Variants in G2E3 observed in about 807,000 individuals in gnomAD.
G2E3 encodes the protein G2/M phase-specific E3 ubiquitin-protein ligase.
Under a neutral mutation model 92.8 loss-of-function variants are expected in G2E3, and 35 were observed. That is an observed-to-expected ratio of 0.38 (90% CI 0.29 to 0.50). G2E3 has a LOEUF of 0.50. G2E3 is among the 20% of genes least tolerant of loss of function. The probability of loss-of-function intolerance (pLI) is 0.94; values close to 1 mark genes in which losing one functional copy is unlikely to be tolerated. For missense variants in G2E3, 554 were observed against 823.8 expected (o/e 0.67, Z 4.01); for synonymous variants, 242 against 272.4 (o/e 0.89, Z 1.10).
intron 6 of G2E3, among the ~76,000 whole-genome samples, chr14:30,594,247 C>T (rs892392266): frequency 1.3e-5 from 2 of 152,064 alleles, no homozygotes; most frequent in African/African-American, 2.4e-5. Context: ...GAAAAAGATT[C>T]CAGTTATTAG....
At chr14:30,601,536 A>T (rs1402154724) in intron 8 of G2E3, among the ~76,000 whole-genome samples, 1 of 152,198 alleles carries the variant, frequency 6.6e-6, no homozygotes, top group Non-Finnish European at 1.5e-5. Flanking sequence ...ATGTGCATAT[A>T]CATACAAAAT....
At chr14:30,572,547 T>C (rs2138788919) in intron 1 of G2E3, among the ~76,000 whole-genome samples, 1 of 152,298 alleles carries the variant, frequency 6.6e-6, no homozygotes, top group African/African-American at 2.4e-5. Context: ...TTCTGGTTTG[T>C]CCTACAGTTT....
At chr14:30,606,845 G>A (rs1457752352) in intron 11 of G2E3, among the ~76,000 whole-genome samples, 1 of 152,096 alleles carries the variant, frequency 6.6e-6, no homozygotes, top group Non-Finnish European at 1.5e-5. Flanking sequence ...CATTTGAAAT[G>A]ACAATTTTAA....
At chr14:30,568,198 A>T (rs1192929264) in intron 1 of G2E3, among the ~76,000 whole-genome samples, 1 of 152,034 alleles carries the variant, frequency 6.6e-6, no homozygotes, top group Admixed American at 6.5e-5. Context: ...TTCAACTTAA[A>T]GCCTGTTTTG....
At chr14:30,607,779 AT>A in intron 11 of G2E3, 108 bp from the exon 12 acceptor site, 1 of 549,026 alleles carries the variant, frequency 1.8e-6, no homozygotes, top group Non-Finnish European at 3.1e-6. Flanking sequence ...GCTTCTAAGA[AT>A]TATATTTATC....
chr14:30,574,276 A>T (rs566283083), intron 1 of G2E3, among the ~76,000 whole-genome samples: 5 of 152,326 alleles, frequency 3.3e-5, no homozygotes, highest in African/African-American at 1.2e-4. Flanking sequence ...GAAACTTAGC[A>T]TAAATACAAT....
chr14:30,591,262 T>C (rs1283922229), intron 4 of G2E3, among the ~76,000 whole-genome samples: 1 of 152,168 alleles, frequency 6.6e-6, no homozygotes, highest in Non-Finnish European at 1.5e-5. Flanking sequence ...GCAGTAACTC[T>C]GTAATCCCTG....
intron 13 of G2E3, among the ~76,000 whole-genome samples, chr14:30,614,079 G>C (rs912709997): frequency 6.6e-6 from 1 of 151,924 alleles, no homozygotes. Context: ...TAGTTCCAAA[G>C]TCAAATGTAT....
At chr14:30,564,372 C>T (rs182243880) in intron 1 of G2E3, among the ~76,000 whole-genome samples, 3 of 152,270 alleles carry the variant, frequency 2.0e-5, no homozygotes, top group Admixed American at 6.5e-5. Context: ...ATCTCTGTCA[C>T]CCAAAGCTGG....
intron 1 of G2E3, chr14:30,560,237 T>C (rs1443258788): frequency 6.6e-6 from 1 of 152,488 alleles, no homozygotes; most frequent in African/African-American, 2.4e-5. Flanking sequence ...AAATGGGAAC[T>C]TTAAATGTGT....
chr14:30,601,378 T>C (rs1295503781), intron 8 of G2E3, among the ~76,000 whole-genome samples: 1 of 152,182 alleles, frequency 6.6e-6, no homozygotes, highest in East Asian at 1.9e-4. Flanking sequence ...TTAGGAAATA[T>C]TCCTCACCTT....
rs527497230 is a variant in G2E3 at position 30,573,828 on chromosome 14, A to G, written c.-4-7248A>G. ...TGAGTAAAGTTTACCAATCTTTTCC[A>G]GAAACACTCTCACAGACACATCCAA... On this transcript the variant is annotated intron_variant, in intron 1 of 14. Coordinates refer to ENST00000206595, the MANE Select transcript of G2E3 (RefSeq NM_017769.5). Among the ~76,000 whole-genome samples, 5 of 152,306 alleles carry G rather than the reference A, an allele frequency of 3.3e-5. No homozygotes were observed. The South Asian group carries it at 1.0e-3, about 32-fold the overall frequency.
At chr14:30,565,424 A>G (rs1172345536) in intron 1 of G2E3, among the ~76,000 whole-genome samples, 2 of 152,058 alleles carry the variant, frequency 1.3e-5, no homozygotes, top group Admixed American at 1.3e-4. Context: ...GTAGATTGTC[A>G]TTAGATGCAC....
At chr14:30,586,644 G>A in intron 2 of G2E3, 74 bp from the exon 3 acceptor site, 1 of 527,184 alleles carries the variant, frequency 1.9e-6, no homozygotes, top group Non-Finnish European at 3.3e-6. Context: ...GAAATTTAGA[G>A]AAGCACCAAT....
chr14:30,583,079 T>G (rs990508121), intron 2 of G2E3, among the ~76,000 whole-genome samples: 5 of 152,176 alleles, frequency 3.3e-5, no homozygotes, highest in African/African-American at 1.2e-4. Context: ...GTGCATGGTT[T>G]AAGGAAGATG....
chr14:30,585,412 C>T (rs575969449), intron 2 of G2E3, among the ~76,000 whole-genome samples: 4 of 152,258 alleles, frequency 2.6e-5, no homozygotes, highest in African/African-American at 9.6e-5. Context: ...GTTGATGAGA[C>T]TATTCTTTCA....
chr14:30,604,214 T>C (rs1412320185), intron 10 of G2E3, among the ~76,000 whole-genome samples: 1 of 152,252 alleles, frequency 6.6e-6, no homozygotes, highest in East Asian at 1.9e-4. Flanking sequence ...AAAAAAGGTA[T>C]GTTTCTGAAG....
In G2E3 at chr14:30,602,091, C is replaced by G. The variant is rs772130891; in HGVS notation, c.970C>G (p.Pro324Ala). 2.1e-5 allele frequency: 34 copies of G among 1,610,430 alleles called. No individual in the cohort carries two copies. The highest frequency in any genetic ancestry group is 2.7e-5 in the Non-Finnish European group (32 of 1,177,044). Residue 324 changes from proline to alanine, a missense_variant, in exon 10 of 15, where the codon CCC becomes GCC. Pro to Ala is a conservative substitution (Grantham distance 27). Around this residue, in one of 3 missense-constraint regions of G2E3, gnomAD observed 397 missense variants for 560.3 expected, o/e 0.71. Transcript: ENST00000206595. ...CLLEESSPKL[P>A]RQSPGSQSKD... ...GTTGGAAGAGTCATCACCTAAATTA[C>G]CCAGACAGTCACCTGGATCCCAGAG...
At chr14:30,587,751 A>T (rs538003814) in intron 3 of G2E3, among the ~76,000 whole-genome samples, 4 of 152,290 alleles carry the variant, frequency 2.6e-5, no homozygotes, top group African/African-American at 9.6e-5. Flanking sequence ...TACTCGTGGC[A>T]TGGCATCTGG....
Sources: gnomAD v4.1 joint callset for allele counts (sites outside exome capture counted in the v4.1 genomes callset) on GRCh38, gnomAD v4.1.1 for gene constraint, gnomAD v4.1.1 regional missense constraint, MANE v1.5 for transcripts, NCBI Gene and HGNC (gene_info 2026-07-23, HGNC 2026-07-21) for gene names.